The following C1QTNF7 variants were observed in gnomAD, a reference collection of about 807,000 sequenced individuals.
The protein encoded by C1QTNF7 is C1q and TNF related 7, also known as complement C1q tumor necrosis factor-related protein 7.
C1QTNF7 carries 15 observed loss-of-function variants against 19.6 expected under a neutral mutation model. The observed-to-expected ratio is 0.76, with a 90% CI of 0.51 to 1.18. C1QTNF7 has a LOEUF of 1.18. Ranked by LOEUF, C1QTNF7 falls within the 50% of genes most tolerant of loss-of-function variation. The pLI is 0.00. For synonymous variants in C1QTNF7, 142 were observed against 137.5 expected (o/e 1.03, Z -0.23); for missense variants, 324 against 359.7 (o/e 0.90, Z 0.80).
At chr4:15,396,701 G>C (rs1718797982) in intron 1 of C1QTNF7, among the ~76,000 whole-genome samples, 1 of 152,130 alleles carries the variant, frequency 6.6e-6, no homozygotes, top group South Asian at 2.1e-4. Context: ...AGGACCCTGA[G>C]AGTTCCTCAG....
chr4:15,350,159 G>C (rs1410425309), intron 1 of C1QTNF7, among the ~76,000 whole-genome samples: 2 of 83,228 alleles, frequency 2.4e-5, no homozygotes, highest in African/African-American at 9.9e-5. Context: ...GGAAAGAAGG[G>C]AGGGAGGGAG....
chr4:15,394,975 G>C (rs1423684806), intron 1 of C1QTNF7, among the ~76,000 whole-genome samples: 13 of 152,310 alleles, frequency 8.5e-5, no homozygotes, highest in African/African-American at 3.1e-4. Context: ...AGGTGATTCA[G>C]TGACAACACA....
At chr4:15,436,853 C>T (rs1040776542) in intron 2 of C1QTNF7, among the ~76,000 whole-genome samples, 4 of 152,180 alleles carry the variant, frequency 2.6e-5, no homozygotes, top group African/African-American at 9.6e-5. Flanking sequence ...TTCTATATAA[C>T]TCCAATCATC....
Position 15,444,740 on chromosome 4 carries a change from T to C in C1QTNF7, c.*1941T>C, listed in dbSNP as rs1712929917. Reference sequence around the variant, plus strand: ...ATGTGACAGAGAAGGGATAGGGAAATCCTCTCTGCTCATTGGGCCTTACAT... The same window carrying C: ...ATGTGACAGAGAAGGGATAGGGAAACCCTCTCTGCTCATTGGGCCTTACAT... On this transcript the variant is annotated 3_prime_UTR_variant, in exon 3 of 3. Coordinates refer to ENST00000444304, the MANE Select transcript of C1QTNF7 (RefSeq NM_031911.5). 1 of 152,120 alleles carries C rather than the reference T, an allele frequency of 6.6e-6. No individual in the cohort carries two copies. The highest frequency in any genetic ancestry group is 2.4e-5 in the African/African-American group (1 of 41,412). 9.4% of individuals were successfully genotyped at this position (152,120 alleles called of 1,614,324 possible). A position where few individuals can be genotyped will look rare whatever the true frequency, so the allele number is the denominator to read the frequency against.
At chr4:15,408,388 A>G (rs955268152) in intron 1 of C1QTNF7, among the ~76,000 whole-genome samples, 7 of 152,008 alleles carry the variant, frequency 4.6e-5, no homozygotes, top group East Asian at 1.9e-4. Flanking sequence ...AAATAACTCA[A>G]TAAGGTCAAG....
At chr4:15,407,189 G>T (rs1719221980) in intron 1 of C1QTNF7, among the ~76,000 whole-genome samples, 1 of 152,138 alleles carries the variant, frequency 6.6e-6, no homozygotes, top group African/African-American at 2.4e-5. Flanking sequence ...CAATGGTACA[G>T]CCCCATTGGT....
chr4:15,351,594 C>T (rs950632675), intron 1 of C1QTNF7, among the ~76,000 whole-genome samples: 8 of 152,154 alleles, frequency 5.3e-5, no homozygotes, highest in Non-Finnish European at 7.4e-5. Flanking sequence ...AGTCCCAGAG[C>T]CCAAGCGGCG....
chr4:15,419,410 T>A (rs763017647), intron 1 of C1QTNF7, among the ~76,000 whole-genome samples: 6 of 152,186 alleles, frequency 3.9e-5, no homozygotes, highest in Admixed American at 6.5e-5. Context: ...GTTTGGCCAT[T>A]AATGGCTCCA....
intron 1 of C1QTNF7, among the ~76,000 whole-genome samples, chr4:15,402,307 A>C (rs1373930774): frequency 6.6e-6 from 1 of 152,222 alleles, no homozygotes; most frequent in Non-Finnish European, 1.5e-5. Flanking sequence ...AGAAACAGGC[A>C]GGCATTCCTA....
In C1QTNF7 at chr4:15,417,766, C is replaced by T. The variant is rs74372681; in HGVS notation, c.14-17970C>T. Among the ~76,000 whole-genome samples the T allele has an allele frequency of 3.9e-5, 6 of 152,288 alleles. No homozygotes were observed. In the East Asian group the frequency reaches 5.8e-4, roughly 15 times the overall value. On this transcript the variant is annotated intron_variant, in intron 1 of 2. Transcript: ENST00000295297. ...AAAGAAAAGAGGTTTAATTGGCTCACAGTTCTGCAAGCTGTATAAAAAGCA... is the reference window on the plus strand; with the variant it reads ...AAAGAAAAGAGGTTTAATTGGCTCATAGTTCTGCAAGCTGTATAAAAAGCA...
upstream of C1QTNF7, among the ~76,000 whole-genome samples, chr4:15,427,284 T>C (rs1255161240): frequency 6.6e-6 from 1 of 152,140 alleles, no homozygotes; most frequent in East Asian, 1.9e-4. Flanking sequence ...TTTCCATAAA[T>C]GACATCATAA....
intron 1 of C1QTNF7, among the ~76,000 whole-genome samples, chr4:15,367,898 A>G (rs1178093972): frequency 1.3e-5 from 2 of 152,162 alleles, no homozygotes; most frequent in African/African-American, 2.4e-5. Flanking sequence ...TAATTTACAT[A>G]CAGTAAAAGG....
chr4:15,356,377 GC>G (rs869238415), intron 1 of C1QTNF7, among the ~76,000 whole-genome samples: 1 of 147,816 alleles, frequency 6.8e-6, no homozygotes, highest in Non-Finnish European at 1.5e-5. Context: ...GTGTTAGTTT[GC>G]TGAGAATGAT....
intron 1 of C1QTNF7, chr4:15,381,690 A>T (rs766568444): frequency 4.6e-5 from 7 of 152,224 alleles, no homozygotes; most frequent in Non-Finnish European, 4.4e-5. Context: ...TATGCCGTAT[A>T]AAGAGGCTAG....
At chr4:15,431,971 G>A (rs1712331949) in intron 1 of C1QTNF7, among the ~76,000 whole-genome samples, 1 of 152,202 alleles carries the variant, frequency 6.6e-6, no homozygotes, top group African/African-American at 2.4e-5. Flanking sequence ...GGTGATAAGG[G>A]TTGAACTTAG....
intron 1 of C1QTNF7, among the ~76,000 whole-genome samples, chr4:15,428,723 GCA>G (rs1399690848): frequency 6.6e-6 from 1 of 152,120 alleles, no homozygotes; most frequent in African/African-American, 2.4e-5. Context: ...AGGAACTGAG[GCA>G]TGAGCAGCTC....
intron 2 of C1QTNF7, 131 bp from the exon 3 acceptor site, chr4:15,442,037 A>C: frequency 1.1e-6 from 1 of 914,860 alleles, no homozygotes; most frequent in Non-Finnish European, 1.6e-6. Context: ...AAAAAAGTTT[A>C]TTATTTAGTA....
At position 15,437,358 on chromosome 4, in the gene C1QTNF7, T is replaced by C. The variant is rs557394736; in HGVS notation, c.238+1377T>C. Among the ~76,000 whole-genome samples, 97 of 152,158 alleles carry C rather than the reference T, an allele frequency of 6.4e-4. No individual in the cohort carries two copies. In the Middle Eastern group the frequency reaches 0.02, roughly 32 times the overall value. On this transcript the variant is annotated intron_variant, in intron 2 of 2. Coordinates refer to ENST00000444304, the MANE Select transcript of C1QTNF7 (RefSeq NM_031911.5). ...AAGTTGGTGGTAATAAGGGTGATTG[T>C]TAAGTTTAAGGGAAAGAGTACATGC...
intron 1 of C1QTNF7, among the ~76,000 whole-genome samples, chr4:15,430,479 T>C (rs374394005): frequency 6.6e-6 from 1 of 152,194 alleles, no homozygotes; most frequent in Admixed American, 6.5e-5. Context: ...CAGCTACTCA[T>C]GAATTCAATT....
Sources: allele counts gnomAD v4.1 joint callset (sites outside exome capture counted in the v4.1 genomes callset), GRCh38; gene constraint gnomAD v4.1.1; transcripts MANE v1.5; gene names NCBI Gene and HGNC (gene_info 2026-07-23, HGNC 2026-07-21).